RBMS3: variants seen among roughly 807,000 people sequenced by gnomAD.
The protein encoded by RBMS3 is RNA-binding motif, single-stranded-interacting protein 3.
In RBMS3, 27 loss-of-function variants were observed where a neutral mutation model predicts 66.8. The observed-to-expected ratio is 0.40, with a 90% CI of 0.30 to 0.56. The LOEUF (loss-of-function observed/expected upper bound fraction) is 0.56, where lower values mean the gene tolerates loss of function less well. RBMS3 is among the 20% of genes least tolerant of loss of function. The pLI, the probability that RBMS3 is intolerant of heterozygous loss-of-function variation, is 0.40. For missense variants in RBMS3, 513 were observed against 549.5 expected, an observed-to-expected ratio of 0.93 and a Z score of 0.66; for synonymous variants, 188 against 183.0, an observed-to-expected ratio of 1.03 and a Z score of -0.22.
chr3:29,947,886 C>T (rs1449718482), intron 12 of RBMS3, among the ~76,000 whole-genome samples: 1 of 150,746 alleles, frequency 6.6e-6, no homozygotes, highest in Non-Finnish European at 1.5e-5. Context: ...ACTACTATCA[C>T]TAGAGAACTA....
At chr3:29,967,744 G>GT (rs1277329909) in intron 12 of RBMS3, among the ~76,000 whole-genome samples, 1 of 152,138 alleles carries the variant, frequency 6.6e-6, no homozygotes, top group East Asian at 1.9e-4. Flanking sequence ...AGGTTTTCTA[G>GT]TTTATGTGTG....
intron 3 of RBMS3, among the ~76,000 whole-genome samples, chr3:29,531,200 A>G (rs2045340182): frequency 6.6e-6 from 1 of 152,220 alleles, no homozygotes; most frequent in Non-Finnish European, 1.5e-5. Context: ...CGTCTACAAA[A>G]CAGGAGCATC....
intron 1 of RBMS3, among the ~76,000 whole-genome samples, chr3:29,380,489 T>C (rs2038712297): frequency 6.6e-6 from 1 of 152,240 alleles, no homozygotes; most frequent in Admixed American, 6.5e-5. Context: ...CTTGGTATTG[T>C]TCTAATTGTG....
At chr3:29,285,144 A>T (rs1038978181) in intron 1 of RBMS3, among the ~76,000 whole-genome samples, 1 of 147,888 alleles carries the variant, frequency 6.8e-6, no homozygotes, top group Non-Finnish European at 1.5e-5. Flanking sequence ...GTATTTTATC[A>T]CCCTTTCCAA....
At position 29,537,848 on chromosome 3, in the gene RBMS3, G is replaced by A. The variant is rs866680791; in HGVS notation, c.308-49266G>A. On this transcript the variant is annotated intron_variant, in intron 3 of 14. Coordinates refer to ENST00000383767, the MANE Select transcript of RBMS3 (RefSeq NM_001003793.3). ...AAAAAAAAAAAAAAAAAGAAAGAAA[G>A]AAAAAAAATTTGCCCCGATACCATG... is the stretch of plus-strand genomic sequence containing the variant. Among the ~76,000 whole-genome samples, 256 of 147,118 alleles carry A rather than the reference G, an allele frequency of 1.7e-3. 2 individuals carry two copies. Among genetic ancestry groups the A allele is most frequent in the African/African-American group, 4.1e-3 (164 of 39,962 alleles).
At chr3:29,526,908 T>C (rs1300717066) in intron 3 of RBMS3, among the ~76,000 whole-genome samples, 1 of 151,990 alleles carries the variant, frequency 6.6e-6, no homozygotes, top group East Asian at 1.9e-4. Flanking sequence ...CTTTTCATGC[T>C]AAGCATTTAT....
intron 10 of RBMS3, among the ~76,000 whole-genome samples, chr3:29,919,356 C>G (rs769033740): frequency 6.6e-6 from 1 of 151,994 alleles, no homozygotes; most frequent in Admixed American, 6.6e-5. Context: ...AATGAAGAGC[C>G]AGAAAAAGAA....
intron 6 of RBMS3, among the ~76,000 whole-genome samples, chr3:29,800,424 T>G (rs963167887): frequency 1.3e-5 from 2 of 152,196 alleles, no homozygotes; most frequent in African/African-American, 4.8e-5. Flanking sequence ...AGTATTCATA[T>G]GTCTTACAGA....
intron 4 of RBMS3, among the ~76,000 whole-genome samples, chr3:29,656,048 A>G (rs1051382723): frequency 1.9e-4 from 29 of 152,322 alleles, no homozygotes; most frequent in African/African-American, 7.0e-4. Flanking sequence ...TTGTGTTTTA[A>G]GGTAGGTTAT....
chr3:29,759,485 T>C (rs1199744072), intron 5 of RBMS3, among the ~76,000 whole-genome samples: 2 of 152,096 alleles, frequency 1.3e-5, no homozygotes, highest in Non-Finnish European at 2.9e-5. Flanking sequence ...GAAGAATAGA[T>C]GCAGTTGTAG....
At chr3:29,383,618 T>A (rs2038870525) in intron 1 of RBMS3, among the ~76,000 whole-genome samples, 1 of 152,166 alleles carries the variant, frequency 6.6e-6, no homozygotes, top group African/African-American at 2.4e-5. Flanking sequence ...TAGTGTAAAA[T>A]ATCCAGTTCC....
chr3:29,810,528 A>G (rs141755820), intron 6 of RBMS3, among the ~76,000 whole-genome samples: 122 of 152,288 alleles, frequency 8.0e-4, no homozygotes, highest in African/African-American at 2.8e-3. Context: ...ACACAATGGA[A>G]TGTGCTGTAG....
intron 2 of RBMS3, among the ~76,000 whole-genome samples, chr3:29,465,741 T>C (rs1432459502): frequency 6.6e-6 from 1 of 152,194 alleles, no homozygotes; most frequent in Non-Finnish European, 1.5e-5. Context: ...CTAGAGCAAA[T>C]AGTTCATAGT....
At chr3:29,397,383 G>A (rs1330976799) in intron 1 of RBMS3, among the ~76,000 whole-genome samples, 1 of 152,048 alleles carries the variant, frequency 6.6e-6, no homozygotes, top group African/African-American at 2.4e-5. Flanking sequence ...AAAGTTCCAA[G>A]GTTCTTTATG....
intron 3 of RBMS3, among the ~76,000 whole-genome samples, chr3:29,530,726 G>C (rs1299132098): frequency 6.2e-5 from 9 of 145,176 alleles, no homozygotes; most frequent in Admixed American, 6.1e-4. Context: ...AAAAAAATTA[G>C]ATGGGCGTGG....
chr3:29,898,048 G>T (rs950387319), intron 9 of RBMS3, among the ~76,000 whole-genome samples: 1 of 151,628 alleles, frequency 6.6e-6, no homozygotes, highest in African/African-American at 2.4e-5. Flanking sequence ...ATGTTGGAAT[G>T]CTGGAAAGTC....
At chr3:29,458,510 C>T (rs977773292) in intron 2 of RBMS3, among the ~76,000 whole-genome samples, 2 of 152,122 alleles carry the variant, frequency 1.3e-5, no homozygotes, top group Non-Finnish European at 2.9e-5. Flanking sequence ...TAAACACATC[C>T]TCCTGTATGC....
intron 6 of RBMS3, among the ~76,000 whole-genome samples, chr3:29,823,195 C>A (rs1215782339): frequency 6.6e-6 from 1 of 151,920 alleles, no homozygotes; most frequent in Non-Finnish European, 1.5e-5. Context: ...AGTCCTATAC[C>A]CCCCACCCAA....
rs145793718 is a variant in RBMS3 at position 29,779,829 on chromosome 3, T to C, written c.637+16840T>C. Among the ~76,000 whole-genome samples the C allele has an allele frequency of 2.3e-3, 350 of 150,844 alleles. 2 individuals are homozygous for C. Among genetic ancestry groups the C allele is most frequent in the African/African-American group, 7.6e-3 (315 of 41,348 alleles). On this transcript the variant is annotated intron_variant, in intron 6 of 14. Transcript: ENST00000383767. The stretch of plus-strand genomic sequence containing the variant: ...GACCCTAGCTTTTCTTATGATACTT[T>C]GATGTCCTTTACACTTGTAGACATT...
Sources: gnomAD v4.1 joint callset for allele counts (sites outside exome capture counted in the v4.1 genomes callset) on GRCh38, gnomAD v4.1.1 for gene constraint, MANE v1.5 for transcripts, NCBI Gene and HGNC (gene_info 2026-07-23, HGNC 2026-07-21) for gene names.